PRAME: variants seen among roughly 807,000 people sequenced by gnomAD.
PRAME encodes the protein melanoma antigen preferentially expressed in tumors.
A neutral mutation model predicts 32.1 loss-of-function variants in PRAME; 21 were observed. That is an observed-to-expected ratio of 0.65 (90% CI 0.46 to 0.94). PRAME has a LOEUF of 0.94. Among genes scored for constraint, PRAME ranks in the 40% least tolerant of loss-of-function variants. The pLI, the probability that PRAME is intolerant of heterozygous loss-of-function variation, is 0.00. For synonymous variants in PRAME, 274 were observed against 251.5 expected (o/e 1.09, Z -0.85); for missense variants, 651 against 622.3 (o/e 1.05, Z -0.49).
rs974510774 is a variant in PRAME, at chr22:22,554,219, G to A, written c.21+2593C>T. On this transcript the variant is annotated intron_variant, in intron 3 of 5. Transcript: ENST00000405655. ...ACCTCTCCACCCAAAGAATTCTCCA[G>A]GCCATTCTCTGCCTCATGCACTGTG... is the stretch of plus-strand genomic sequence containing the variant. 6.1e-6 allele frequency: 6 copies of A among 985,002 alleles called. No individual in the cohort carries two copies. The East Asian group carries it at 3.4e-4, about 56-fold the overall frequency. 61.0% of individuals were successfully genotyped at this position (985,002 alleles called of 1,614,324 possible).
At position 22,551,019 on chromosome 22, in the gene PRAME, C is replaced by A. The variant is rs1312906385; in HGVS notation, c.92G>T (p.Gly31Val). ...TSPRRLVELA[G>V]QSLLKDEALA... is the part of the protein sequence containing the mutation. ...GGCCTCATCCTTCAGCAGGCTCTGC[C>A]CTGCCAGCTCCACAAGTCTCCGTGG... Residue 31 changes from glycine to valine, a missense_variant, in exon 4 of 6, where the codon GGG becomes GTG. Physicochemically the swap from Gly to Val is moderately radical, Grantham distance 109 (BLOSUM62 -3). Transcript: ENST00000405655. The A allele has an allele frequency of 5.6e-6, 9 of 1,611,794 alleles. No homozygotes were observed. Among genetic ancestry groups the A allele is most frequent in the Non-Finnish European group, 7.6e-6 (9 of 1,178,670 alleles).
At chr22:22,548,828 G>C (rs1379449086) in intron 5 of PRAME, among the ~76,000 whole-genome samples, 185 bp from the exon 6 acceptor site, 2 of 151,820 alleles carry the variant, frequency 1.3e-5, no homozygotes, top group Non-Finnish European at 2.9e-5. Flanking sequence ...CATTTGCTGT[G>C]TAAGTGGGTC....
At chr22:22,553,557 A>T (rs557537920) in intron 3 of PRAME, among the ~76,000 whole-genome samples, 29 of 151,938 alleles carry the variant, frequency 1.9e-4, no homozygotes, top group Non-Finnish European at 2.9e-4. Context: ...TCACTGAGGC[A>T]GGGAGGGAGT....
intron 2 of PRAME, chr22:22,557,173 G>C (rs958590248): frequency 5.1e-6 from 2 of 393,490 alleles, no homozygotes; most frequent in East Asian, 5.0e-5. Flanking sequence ...CGGTCTTGCA[G>C]CGACATTTCT....
chr22:22,550,198 C>T lies in PRAME; in HGVS notation c.481G>A (p.Val161Ile). Reference protein sequence around the residue: ...AAQPMTKKRKVDGLSTEAEQP... With the variant: ...AAQPMTKKRKIDGLSTEAEQP... ...TCTGCCTCTGTGCTCAAACCATCTA[C>T]TTTTCGCTTCTTTGTCATGGGCTGA... The change falls in exon 5 of 6, where the codon GTA (valine) becomes ATA (isoleucine). Residue 161 changes from valine to isoleucine, a missense_variant. By Grantham distance (29) the Val-to-Ile change is conservative. Transcript: ENST00000405655. The T allele has an allele frequency of 6.2e-7, 1 of 1,613,860 alleles. No individual in the cohort carries two copies. The highest frequency in any genetic ancestry group is 8.5e-7 in the Non-Finnish European group (1 of 1,179,974).
rs1458890118 is a variant in PRAME, at chr22:22,549,978, G to A, written c.701C>T (p.Ser234Phe). ...ACAAGTCACTTCCAAATCTTCAATA[G>A]AGTCCAGCTGCACCATTTTCAGGAT... is the stretch of plus-strand genomic sequence containing the variant. Reference protein sequence around the residue: ...KMILKMVQLDSIEDLEVTCTW... With the variant: ...KMILKMVQLDFIEDLEVTCTW... Residue 234 changes from serine to phenylalanine, a missense_variant, in exon 5 of 6, where the codon TCT becomes TTT. Transcript: ENST00000405655. The A allele has an allele frequency of 6.2e-7, 1 of 1,613,852 alleles. No homozygotes were observed. The highest frequency in any genetic ancestry group is 8.5e-7 in the Non-Finnish European group (1 of 1,179,968).
chr22:22,554,502 G>A (rs1387357297), intron 3 of PRAME, among the ~76,000 whole-genome samples: 3 of 151,930 alleles, frequency 2.0e-5, no homozygotes, highest in East Asian at 3.9e-4. Context: ...AGCTGCGGGA[G>A]ACTGAGATTA....
intron 5 of PRAME, among the ~76,000 whole-genome samples, 177 bp downstream of exon 5, chr22:22,549,549 T>C (rs2062443975): frequency 6.6e-6 from 1 of 151,892 alleles, no homozygotes; most frequent in Admixed American, 6.6e-5. Context: ...CTAACCCTTA[T>C]GAGTAGTAGT....
chr22:22,556,680 A>G, intron 3 of PRAME, 132 bp downstream of exon 3: 1 of 1,105,114 alleles, frequency 9.0e-7, no homozygotes. Context: ...ACCAGAAACA[A>G]TAAAAGCGGC....
rs72409141 is a variant in PRAME at position 22,547,856 on chromosome 22, ACTC to A, written c.*208_*210del. ...ATGTATCTCCCCAAAGATCACATTA[ACTC>A]CTCAAGTCAACATCTGCCTACCCCC... On this transcript the variant is annotated 3_prime_UTR_variant, in exon 6 of 6. Transcript: ENST00000405655. The A allele has an allele frequency of 0.013, 7,601 of 595,096 alleles. 82 individuals carry two copies. The highest frequency in any genetic ancestry group is 0.032 in the Middle Eastern group (73 of 2,262). 36.9% of individuals were successfully genotyped at this position (595,096 alleles called of 1,614,324 possible).
At chr22:22,557,196 G>T in intron 2 of PRAME, 1 of 324,760 alleles carries the variant, frequency 3.1e-6, no homozygotes, top group Admixed American at 4.3e-5. Flanking sequence ...CTCTGCTCCC[G>T]CCTTCCTAGG....
chr22:22,556,172 T>C (rs1301651147), intron 3 of PRAME, among the ~76,000 whole-genome samples: 1 of 151,522 alleles, frequency 6.6e-6, no homozygotes, highest in African/African-American at 2.4e-5. Context: ...GCTAATTTTT[T>C]TTCTATTTTT....
chr22:22,550,237 C>G lies in PRAME; in HGVS notation c.442G>C (p.Glu148Gln), dbSNP rs1007818611. ...GTCATGGGCTGAGCTGCTTCTGGCTCTGGAAATGAGTACAGACTGGCCCTG... is the reference window on the plus strand; with the variant it reads ...GTCATGGGCTGAGCTGCTTCTGGCTGTGGAAATGAGTACAGACTGGCCCTG... Reference protein sequence around the residue: ...GNRASLYSFPEPEAAQPMTKK... With the variant: ...GNRASLYSFPQPEAAQPMTKK... The change falls in exon 5 of 6, where the codon GAG becomes CAG. Residue 148 changes from glutamate (E) to glutamine (Q), a missense_variant. Glu to Gln is a conservative substitution (Grantham distance 29). Transcript: ENST00000405655. 2 of 1,613,802 alleles carry G rather than the reference C, an allele frequency of 1.2e-6. No homozygotes were observed. The highest frequency in any genetic ancestry group is 1.7e-6 in the Non-Finnish European group (2 of 1,179,958).
At position 22,547,898 on chromosome 22, in the gene PRAME, T is replaced by C. The variant is rs2062339508; in HGVS notation, c.*169A>G. 1 of 766,516 alleles carries C rather than the reference T, an allele frequency of 1.3e-6. No individual in the cohort carries two copies. Among genetic ancestry groups the C allele is most frequent in the Non-Finnish European group, 2.1e-6 (1 of 475,706 alleles). 47.5% of individuals were successfully genotyped at this position (766,516 alleles called of 1,614,324 possible). On this transcript the variant is annotated 3_prime_UTR_variant, in exon 6 of 6. Transcript: ENST00000405655. ...CTGCCTACCCCCAACTTCCCCTTTTTTTCCTCACTGAACATTTGTCTGAAT... is the reference window on the plus strand; with the variant it reads ...CTGCCTACCCCCAACTTCCCCTTTTCTTCCTCACTGAACATTTGTCTGAAT...
chr22:22,552,936 C>A, intron 3 of PRAME: 1 of 470,826 alleles, frequency 2.1e-6, no homozygotes, highest in Non-Finnish European at 4.4e-6. Context: ...GGCATACCTC[C>A]CCTTTCAACT....
rs753898647 is a variant in PRAME at position 22,549,806 on chromosome 22, C to A, written c.873G>T (p.Gln291His). The A allele has an allele frequency of 9.3e-6, 15 of 1,613,672 alleles. No individual in the cohort carries two copies. In the East Asian group the frequency reaches 3.1e-4, roughly 34 times the overall value. The change falls in exon 5 of 6, where the codon CAG becomes CAT. Residue 291 changes from glutamine (Q) to histidine (H), a missense_variant. By Grantham distance (24) the Gln-to-His change is conservative. Transcript: ENST00000405655. ...CCTGCAGGCACTGCAGACTGAGGAA[C>A]TGAGAGGTGAACTGGGCGATATACT... Reference protein sequence around the residue: ...EEQYIAQFTSQFLSLQCLQAL... With the variant: ...EEQYIAQFTSHFLSLQCLQAL...
intron 4 of PRAME, 29 bp downstream of exon 4, chr22:22,550,738 C>T (rs1350345256): frequency 1.9e-6 from 3 of 1,546,792 alleles, no homozygotes; most frequent in African/African-American, 2.7e-5. Context: ...TTCCCAGGGC[C>T]CCACACCAAG....
intron 5 of PRAME, among the ~76,000 whole-genome samples, chr22:22,549,078 A>C (rs1468140653): frequency 6.6e-6 from 1 of 151,948 alleles, no homozygotes; most frequent in Non-Finnish European, 1.5e-5. Context: ...TGATGAAGCT[A>C]CTAGGGAGTA....
At chr22:22,552,959 C>CGA (rs2062685163) in intron 3 of PRAME, 1 of 470,426 alleles carries the variant, frequency 2.1e-6, no homozygotes, top group Non-Finnish European at 4.4e-6. Context: ...ACGCTGCCAA[C>CGA]GGAAGAGCCA....
Sources: gnomAD v4.1 joint callset for allele counts (sites outside exome capture counted in the v4.1 genomes callset) on GRCh38, gnomAD v4.1.1 for gene constraint, MANE v1.5 for transcripts, NCBI Gene and HGNC (gene_info 2026-07-23, HGNC 2026-07-21) for gene names.